NFIB: variants seen among roughly 807,000 people sequenced by gnomAD.
NFIB encodes nuclear factor 1 B-type.
In NFIB, 11 loss-of-function variants were observed where a neutral mutation model predicts 61.5. The ratio of observed to expected loss-of-function variants is 0.18; its 90% CI spans 0.11 to 0.30. The LOEUF (loss-of-function observed/expected upper bound fraction) is 0.30. NFIB is among the 10% of genes least tolerant of loss of function. NFIB has a pLI of 1.00. For missense variants in NFIB, 471 were observed against 608.9 expected (o/e 0.77, Z 2.38); for synonymous variants, 260 against 216.5 (o/e 1.20, Z -1.76).
At chr9:14,442,334 A>G in the NFIB span, among the ~76,000 whole-genome samples, 2 of 152,190 alleles carry the variant, frequency 1.3e-5, no homozygotes, top group Admixed American at 1.3e-4. Context: ...CACCTTGTAA[A>G]AGAGGTTACC....
intron 2 of NFIB, among the ~76,000 whole-genome samples, chr9:14,205,437 G>A (rs892906146): frequency 5.3e-5 from 8 of 151,642 alleles, no homozygotes; most frequent in South Asian, 2.1e-4. Flanking sequence ...TCATAAGTAC[G>A]ATATATACAC....
At chr9:14,399,503 A>G (rs937995211), upstream of NFIB, among the ~76,000 whole-genome samples, 7 of 152,216 alleles carry the variant, frequency 4.6e-5, no homozygotes, top group African/African-American at 1.7e-4. Flanking sequence ...TTTGCAAGTA[A>G]TCAAAATAAC....
Position 14,085,566 on chromosome 9 carries a change from TCA to T in NFIB, c.*2741_*2742del, listed in dbSNP as rs1328467411. On this transcript the variant is annotated 3_prime_UTR_variant, in exon 11 of 11. Coordinates refer to ENST00000380953, the MANE Select transcript of NFIB (RefSeq NM_001190737.2). The stretch of plus-strand genomic sequence containing the variant: ...CTATATTTCCCTTCTGCTCTGGTTC[TCA>T]GTTTTAAAAGGGGAGATAAAATGAA... 1 of 220,594 alleles carries T rather than the reference TCA, an allele frequency of 4.5e-6. No individual in the cohort carries two copies. Among genetic ancestry groups the T allele is most frequent in the South Asian group, 1.8e-4 (1 of 5,430 alleles). The allele number at this position is 220,594 out of a possible 1,614,324, so 13.7% of individuals were successfully genotyped here.
the NFIB span, among the ~76,000 whole-genome samples, chr9:14,429,896 T>C: frequency 6.6e-6 from 1 of 152,244 alleles, no homozygotes. Context: ...TTATTCTTCA[T>C]AATTTGGGAA....
the NFIB span, among the ~76,000 whole-genome samples, chr9:14,425,193 TCAGCGAGC>T: frequency 6.6e-6 from 1 of 152,322 alleles, no homozygotes; most frequent in South Asian, 2.1e-4. Flanking sequence ...AGATAAATTG[TCAGCGAGC>T]CTTGCTTGAG....
chr9:14,264,265 T>C (rs2132264539), intron 2 of NFIB, among the ~76,000 whole-genome samples: 1 of 152,294 alleles, frequency 6.6e-6, no homozygotes, highest in East Asian at 1.9e-4. Context: ...TCCTCTCTGT[T>C]ACTAAGAGAG....
chr9:14,176,614 GC>G (rs1349459349), intron 3 of NFIB, among the ~76,000 whole-genome samples: 1 of 152,034 alleles, frequency 6.6e-6, no homozygotes, highest in Admixed American at 6.6e-5. Flanking sequence ...AAAATGCGTT[GC>G]CTTTGCTGCT....
At chr9:14,365,783 A>T (rs1234885925) in intron 1 of NFIB, among the ~76,000 whole-genome samples, 2 of 152,198 alleles carry the variant, frequency 1.3e-5, no homozygotes, top group Non-Finnish European at 2.9e-5. Flanking sequence ...TGAATCACAG[A>T]CATGAGGCAG....
the NFIB span, among the ~76,000 whole-genome samples, chr9:14,468,699 A>T: frequency 0.031 from 4,768 of 152,324 alleles, 105 homozygotes; most frequent in Non-Finnish European, 0.051. Flanking sequence ...CAGTGGATGT[A>T]TATGAAGAAG....
chr9:14,276,699 C>A (rs546800171), intron 2 of NFIB, among the ~76,000 whole-genome samples: 2 of 151,958 alleles, frequency 1.3e-5, no homozygotes, highest in Admixed American at 6.6e-5. Flanking sequence ...AAATAAAATA[C>A]TACACATAGA....
the NFIB span, among the ~76,000 whole-genome samples, chr9:14,490,743 A>G: frequency 6.6e-6 from 1 of 152,202 alleles, no homozygotes; most frequent in Non-Finnish European, 1.5e-5. Flanking sequence ...TGAGATATCA[A>G]TGCGATACCA....
At chr9:14,197,188 G>A (rs1477592438) in intron 2 of NFIB, among the ~76,000 whole-genome samples, 3 of 152,176 alleles carry the variant, frequency 2.0e-5, no homozygotes, top group Admixed American at 6.5e-5. Context: ...TTGACAACTT[G>A]CAGAGTAATA....
At chr9:14,212,701 G>T (rs1458893370) in intron 2 of NFIB, among the ~76,000 whole-genome samples, 1 of 151,134 alleles carries the variant, frequency 6.6e-6, no homozygotes, top group Non-Finnish European at 1.5e-5. Flanking sequence ...ATTAATAAAT[G>T]TTTGCTAGAT....
chr9:14,183,285 G>C (rs1439544026), intron 2 of NFIB, among the ~76,000 whole-genome samples: 2 of 152,172 alleles, frequency 1.3e-5, no homozygotes, highest in Non-Finnish European at 2.9e-5. Flanking sequence ...ATGCTCAAAA[G>C]GCAGTAGATA....
chr9:14,307,591 AAAG>A lies in NFIB; in HGVS notation c.31-74_31-72del. The A allele has an allele frequency of 2.1e-6, 3 of 1,414,928 alleles. No homozygotes were observed. Among genetic ancestry groups the A allele is most frequent in the Non-Finnish European group, 1.9e-6 (2 of 1,064,398 alleles). 87.6% of individuals were successfully genotyped at this position (1,414,928 alleles called of 1,614,324 possible). A position where few individuals can be genotyped will look rare whatever the true frequency, so the allele number is the denominator to read the frequency against. On this transcript the variant is annotated intron_variant, in intron 1 of 10. Coordinates refer to ENST00000380953, the MANE Select transcript of NFIB (RefSeq NM_001190737.2). This position sits in a 1 kb window ranked among gnomAD's most constrained non-coding sequence, Gnocchi z 5.3. ...AATTTTAAAAGCTCAAAAAATAAGA[AAAG>A]AAGACCACAACCCGTTTCCAATTCA...
chr9:14,307,610 T>A lies in NFIB; in HGVS notation c.31-90A>T. The A allele has an allele frequency of 7.9e-7, 1 of 1,265,700 alleles. No homozygotes were observed. The highest frequency in any genetic ancestry group is 1.1e-6 in the Non-Finnish European group (1 of 943,564). 78.4% of individuals were successfully genotyped at this position (1,265,700 alleles called of 1,614,324 possible). On this transcript the variant is annotated intron_variant, in intron 1 of 10. Transcript: ENST00000380953. The surrounding 1 kb of genome is among the most constrained non-coding windows in gnomAD (Gnocchi z 5.3). ...ATAAGAAAAGAAGACCACAACCCGT[T>A]TCCAATTCAGTACAAAAAGTTATAC...
intron 1 of NFIB, among the ~76,000 whole-genome samples, chr9:14,348,637 T>C (rs1021815839): frequency 6.6e-6 from 1 of 152,184 alleles, no homozygotes; most frequent in African/African-American, 2.4e-5. Flanking sequence ...CTGGAACCCT[T>C]CTTCTTCTGC....
the NFIB span, among the ~76,000 whole-genome samples, chr9:14,439,798 C>A: frequency 6.6e-6 from 1 of 152,174 alleles, no homozygotes; most frequent in Non-Finnish European, 1.5e-5. Context: ...GTGAGGAAAA[C>A]AAGTAGAGAG....
chr9:14,326,846 C>A (rs531506922), intron 1 of NFIB, among the ~76,000 whole-genome samples: 3 of 152,064 alleles, frequency 2.0e-5, no homozygotes, highest in African/African-American at 7.2e-5. Context: ...GAAGTATCAA[C>A]GATTTCTTAG....
Sources: allele counts gnomAD v4.1 joint callset (sites outside exome capture counted in the v4.1 genomes callset), GRCh38; gene constraint gnomAD v4.1.1; non-coding constraint Gnocchi (gnomAD v3.1); transcripts MANE v1.5; gene names NCBI Gene and HGNC (gene_info 2026-07-23, HGNC 2026-07-21).